The following SLC2A13 variants were observed in gnomAD, a reference collection of about 807,000 sequenced individuals.
The protein encoded by SLC2A13 is proton myo-inositol cotransporter.
In SLC2A13, 32 loss-of-function variants were observed where a neutral mutation model predicts 64.4. The ratio of observed to expected loss-of-function variants is 0.50; its 90% CI spans 0.37 to 0.67. SLC2A13 has a LOEUF of 0.67. Among genes scored for constraint, SLC2A13 ranks in the 30% least tolerant of loss-of-function variants. The pLI, the probability that SLC2A13 is intolerant of heterozygous loss-of-function variation, is 0.00. For missense variants in SLC2A13, 743 were observed against 829.2 expected, an observed-to-expected ratio of 0.90 and a Z score of 1.28; for synonymous variants, 338 against 327.1, an observed-to-expected ratio of 1.03 and a Z score of -0.36.
At position 40,003,363 on chromosome 12, in the gene SLC2A13, G is replaced by A. The variant is rs116490010; in HGVS notation, c.925+24938C>T. ...AGTGCTAGCTTATTAAAATTATAAC[G>A]ATTATCTCCAAGGACCAAGGAAGAG... On this transcript the variant is annotated intron_variant, in intron 3 of 9. Transcript: ENST00000280871. Among the ~76,000 whole-genome samples, 1,141 of 152,100 alleles carry A rather than the reference G, an allele frequency of 7.5e-3. 14 individuals are homozygous for A. The highest frequency in any genetic ancestry group is 0.026 in the African/African-American group (1,083 of 41,488).
At chr12:39,807,599 T>G (rs1942018646) in intron 7 of SLC2A13, among the ~76,000 whole-genome samples, 1 of 152,218 alleles carries the variant, frequency 6.6e-6, no homozygotes, top group Non-Finnish European at 1.5e-5. Flanking sequence ...TCAAAGGTAC[T>G]GTTAAACCTG....
chr12:40,037,390 G>A (rs912665443), intron 2 of SLC2A13, among the ~76,000 whole-genome samples: 2 of 151,996 alleles, frequency 1.3e-5, no homozygotes, highest in South Asian at 2.1e-4. Flanking sequence ...AGGCTGCAGT[G>A]GGTGGATTGC....
Position 39,798,844 on chromosome 12 carries a change from A to G in SLC2A13, c.1445+31259T>C, listed in dbSNP as rs560739950. Among the ~76,000 whole-genome samples, 195 of 152,120 alleles carry G rather than the reference A, an allele frequency of 1.3e-3. 2 individuals are homozygous for G. The highest frequency in any genetic ancestry group is 4.3e-3 in the African/African-American group (180 of 41,532). On this transcript the variant is annotated intron_variant, in intron 7 of 9. Coordinates refer to ENST00000280871, the MANE Select transcript of SLC2A13 (RefSeq NM_052885.4). ...ATATTAATTATAATGATGTATAAAC[A>G]TATGTTAATGCACTATTATGTATTT... is the stretch of plus-strand genomic sequence containing the variant.
intron 4 of SLC2A13, among the ~76,000 whole-genome samples, chr12:39,917,596 CCT>C (rs960339251): frequency 1.3e-5 from 2 of 151,984 alleles, no homozygotes; most frequent in Non-Finnish European, 2.9e-5. Flanking sequence ...AAATTTTGCC[CCT>C]CTTTTTTTCC....
chr12:39,910,443 G>A (rs7298896), intron 4 of SLC2A13, among the ~76,000 whole-genome samples: 66,546 of 151,762 alleles, frequency 0.44, 15,033 homozygotes, highest in East Asian at 0.76. Flanking sequence ...TATAGGTGAA[G>A]CTTTGATAAG....
intron 6 of SLC2A13, among the ~76,000 whole-genome samples, chr12:39,858,591 G>A (rs775786277): frequency 2.8e-4 from 43 of 152,114 alleles, no homozygotes; most frequent in Non-Finnish European, 5.7e-4. Flanking sequence ...GGGGCTAATA[G>A]GGTTTTTACA....
At chr12:39,967,043 T>C (rs913319124) in intron 3 of SLC2A13, among the ~76,000 whole-genome samples, 2 of 152,168 alleles carry the variant, frequency 1.3e-5, no homozygotes, top group African/African-American at 2.4e-5. Flanking sequence ...AGTGGCAATC[T>C]GTGAAGGGAG....
At chr12:39,914,286 T>TA (rs1295607861) in intron 4 of SLC2A13, among the ~76,000 whole-genome samples, 2 of 151,978 alleles carry the variant, frequency 1.3e-5, no homozygotes, top group Admixed American at 1.3e-4. Context: ...ACTGAGAAAT[T>TA]AAAAAATGAA....
chr12:39,852,473 G>A (rs1476970193), intron 6 of SLC2A13, among the ~76,000 whole-genome samples: 1 of 152,188 alleles, frequency 6.6e-6, no homozygotes, highest in Non-Finnish European at 1.5e-5. Flanking sequence ...AGAGAATAAA[G>A]AGGACTTGTT....
intron 4 of SLC2A13, among the ~76,000 whole-genome samples, chr12:39,906,365 T>C (rs1202321516): frequency 1.3e-5 from 2 of 152,118 alleles, no homozygotes; most frequent in Non-Finnish European, 2.9e-5. Context: ...CTGCTGTTTA[T>C]GGGGATTGCC....
rs1159264644 is a variant in SLC2A13, at chr12:40,105,715, C to G, written c.94G>C (p.Ala32Pro). Reference sequence around the variant, plus strand: ...CTGCACTCCCCGGCCGCGCTCGCCGCGTCCGGCTCCGGCTGCTTCCTGCGC... The same window carrying G: ...CTGCACTCCCCGGCCGCGCTCGCCGGGTCCGGCTCCGGCTGCTTCCTGCGC... ...ERRRKQPEPD[A>P]ASAAGECSLL... is the part of the protein sequence containing the mutation. The change falls in exon 1 of 10, where the codon GCG (alanine) becomes CCG (proline). Residue 32 changes from alanine (A) to proline (P), a missense_variant. Physicochemically the swap from Ala to Pro is conservative, Grantham distance 27 (BLOSUM62 -1). This residue lies in a region of SLC2A13 where 448 missense variants were observed against 447.4 expected (regional missense o/e 1.00). Coordinates refer to ENST00000280871, the MANE Select transcript of SLC2A13 (RefSeq NM_052885.4). The surrounding 1 kb of genome is among the most constrained non-coding windows in gnomAD (Gnocchi z 4.2). 3 of 1,480,472 alleles carry G rather than the reference C, an allele frequency of 2.0e-6. No homozygotes were observed. Among genetic ancestry groups the G allele is most frequent in the Admixed American group, 4.9e-5 (2 of 40,672 alleles). The allele number at this position is 1,480,472 out of a possible 1,614,324, so 91.7% of individuals were successfully genotyped here. A position where few individuals can be genotyped will look rare whatever the true frequency, so the allele number is the denominator to read the frequency against.
intron 3 of SLC2A13, among the ~76,000 whole-genome samples, chr12:39,958,584 A>T (rs1378335369): frequency 6.6e-6 from 1 of 152,012 alleles, no homozygotes; most frequent in African/African-American, 2.4e-5. Flanking sequence ...AAAGCACCCC[A>T]CTGAATCCTC....
At chr12:40,071,146 T>C (rs1937940339) in intron 1 of SLC2A13, among the ~76,000 whole-genome samples, 1 of 152,174 alleles carries the variant, frequency 6.6e-6, no homozygotes, top group African/African-American at 2.4e-5. Context: ...AAAAAGTCCA[T>C]TTTTGGGCTC....
intron 3 of SLC2A13, among the ~76,000 whole-genome samples, chr12:40,015,711 G>A (rs1354734636): frequency 1.3e-5 from 2 of 152,024 alleles, no homozygotes; most frequent in Non-Finnish European, 2.9e-5. Context: ...TCCTTCATCA[G>A]CATGTATATC....
chr12:40,042,310 G>A (rs1345492977), intron 2 of SLC2A13, among the ~76,000 whole-genome samples: 1 of 151,860 alleles, frequency 6.6e-6, no homozygotes, highest in Non-Finnish European at 1.5e-5. Flanking sequence ...TAGCCCCTCT[G>A]TATATATACC....
intron 1 of SLC2A13, among the ~76,000 whole-genome samples, chr12:40,069,125 T>C (rs536777477): frequency 1.3e-5 from 2 of 152,244 alleles, no homozygotes; most frequent in East Asian, 3.9e-4. Flanking sequence ...GAATCTAGTA[T>C]AATTTTGGAA....
chr12:39,989,440 C>G (rs1947093042), intron 3 of SLC2A13, among the ~76,000 whole-genome samples: 1 of 152,194 alleles, frequency 6.6e-6, no homozygotes, highest in Non-Finnish European at 1.5e-5. Context: ...CACCCCTCCC[C>G]ACTAGAAATA....
intron 4 of SLC2A13, among the ~76,000 whole-genome samples, chr12:39,936,804 G>T (rs955296395): frequency 6.6e-6 from 1 of 152,174 alleles, no homozygotes; most frequent in African/African-American, 2.4e-5. Context: ...GAAAGTGATA[G>T]GGATTCAGTT....
intron 1 of SLC2A13, among the ~76,000 whole-genome samples, chr12:40,104,611 A>C (rs1939242549): frequency 1.3e-5 from 2 of 152,242 alleles, no homozygotes; most frequent in South Asian, 4.1e-4. Context: ...AAAGTTGGAA[A>C]AACAGAGGAG....
Sources: gnomAD v4.1 joint callset for allele counts (sites outside exome capture counted in the v4.1 genomes callset) on GRCh38, gnomAD v4.1.1 for gene constraint, gnomAD v4.1.1 regional missense constraint, Gnocchi (gnomAD v3.1) non-coding constraint, MANE v1.5 for transcripts, NCBI Gene and HGNC (gene_info 2026-07-23, HGNC 2026-07-21) for gene names.